RELCH: variants seen among roughly 807,000 people sequenced by gnomAD.
RELCH encodes RAB11-binding protein RELCH.
A neutral mutation model predicts 150.3 loss-of-function variants in RELCH; 41 were observed. The observed-to-expected ratio is 0.27, with a 90% CI of 0.21 to 0.35. The LOEUF (loss-of-function observed/expected upper bound fraction) is 0.35. Ranked by LOEUF, RELCH falls within the 10% of genes least tolerant of loss-of-function variation. The pLI is 1.00. For missense variants in RELCH, 1,092 were observed against 1,467.8 expected (o/e 0.74, Z 4.18); for synonymous variants, 478 against 531.8 (o/e 0.90, Z 1.39).
chr18:62,256,068 G>T (rs2042979199), intron 13 of RELCH, among the ~76,000 whole-genome samples: 1 of 151,954 alleles, frequency 6.6e-6, no homozygotes, highest in Non-Finnish European at 1.5e-5. Context: ...AAAATAGAAA[G>T]TACTCATATA....
chr18:62,237,572 C>T (rs2041939754), intron 10 of RELCH, among the ~76,000 whole-genome samples: 1 of 151,802 alleles, frequency 6.6e-6, no homozygotes, highest in Admixed American at 6.6e-5. Flanking sequence ...ATATAAAGAA[C>T]TTTCTATTAG....
At chr18:62,294,752 A>G (rs2045322358) in intron 27 of RELCH, among the ~76,000 whole-genome samples, 2 of 152,250 alleles carry the variant, frequency 1.3e-5, no homozygotes, top group African/African-American at 4.8e-5. Flanking sequence ...AATTGACTTT[A>G]TACAATAAAA....
At chr18:62,269,492 C>T (rs1267773252) in intron 20 of RELCH, 1 of 343,978 alleles carries the variant, frequency 2.9e-6, no homozygotes, top group Non-Finnish European at 6.0e-6. Flanking sequence ...TTCATATACA[C>T]ATTATACACA....
chr18:62,227,195 TAAA>T (rs35190394), intron 5 of RELCH, 91 bp from the exon 6 acceptor site: 48 of 734,100 alleles, frequency 6.5e-5, no homozygotes, highest in Non-Finnish European at 9.7e-5. Context: ...AAACCGATCT[TAAA>T]AAAAAAAAAG....
At chr18:62,237,432 C>T (rs1229857485) in intron 10 of RELCH, among the ~76,000 whole-genome samples, 2 of 151,756 alleles carry the variant, frequency 1.3e-5, no homozygotes, top group South Asian at 2.1e-4. Flanking sequence ...TTCGGAGATA[C>T]TTTGTGCATG....
rs990773425 is a variant in RELCH at position 62,307,785 on chromosome 18, C to T, written c.*2251C>T. ...ATGAAAAGCTAATTTGAAATTATACCTGTGTTTCCAGAGTAATCCAGAGAT... is the reference window on the plus strand; with the variant it reads ...ATGAAAAGCTAATTTGAAATTATACTTGTGTTTCCAGAGTAATCCAGAGAT... On this transcript the variant is annotated 3_prime_UTR_variant, in exon 29 of 29. Transcript: ENST00000644646. 1 of 152,042 alleles carries T rather than the reference C, an allele frequency of 6.6e-6. No homozygotes were observed. The highest frequency in any genetic ancestry group is 1.5e-5 in the Non-Finnish European group (1 of 68,004). The allele number at this position is 152,042 out of a possible 1,614,324, so 9.4% of individuals were successfully genotyped here. A position where few individuals can be genotyped will look rare whatever the true frequency, so the allele number is the denominator to read the frequency against.
intron 19 of RELCH, among the ~76,000 whole-genome samples, chr18:62,267,503 TGTGTGTGTG>T (rs1269007661): frequency 7.1e-6 from 1 of 140,970 alleles, no homozygotes. Context: ...TGTGTGTGTG[TGTGTGTGTG>T]TGTGTGTATA....
At chr18:62,300,282 TCTC>T (rs931603732) in intron 28 of RELCH, 7 of 152,292 alleles carry the variant, frequency 4.6e-5, no homozygotes, top group African/African-American at 9.6e-5. Flanking sequence ...AAGCTTCTGT[TCTC>T]CTCAGGTTTT....
chr18:62,280,576 T>A, intron 23 of RELCH, 70 bp from the exon 24 acceptor site: 1 of 1,322,816 alleles, frequency 7.6e-7, no homozygotes, highest in Non-Finnish European at 1.1e-6. Context: ...GTACTTACTT[T>A]AATATACATT....
At position 62,258,157 on chromosome 18, in the gene RELCH, C is replaced by G. The variant is rs1448819652; in HGVS notation, c.2037+69C>G. 5 of 1,315,324 alleles carry G rather than the reference C, an allele frequency of 3.8e-6. No homozygotes were observed. The East Asian group carries it at 9.7e-5, about 26-fold the overall frequency. 81.5% of individuals were successfully genotyped at this position (1,315,324 alleles called of 1,614,324 possible). A position where few individuals can be genotyped will look rare whatever the true frequency, so the allele number is the denominator to read the frequency against. On this transcript the variant is annotated intron_variant, in intron 14 of 28. Coordinates refer to ENST00000644646, the MANE Select transcript of RELCH (RefSeq NM_001346231.2). ...CCAAGTATTATAATATTCCAAATCT[C>G]TGATTTAGATACTTTATAATGTATC...
intron 1 of RELCH, 97 bp downstream of exon 1, chr18:62,188,128 G>A: frequency 7.4e-7 from 1 of 1,354,956 alleles, no homozygotes; most frequent in Non-Finnish European, 9.7e-7. Context: ...GTCCCGATAG[G>A]GACATTTTAA....
intron 10 of RELCH, among the ~76,000 whole-genome samples, chr18:62,241,316 T>A (rs2042138600): frequency 6.6e-6 from 1 of 152,100 alleles, no homozygotes; most frequent in Non-Finnish European, 1.5e-5. Context: ...CCACAACAGA[T>A]CTCTTGAGCC....
chr18:62,297,838 A>G (rs1179953402), intron 27 of RELCH, among the ~76,000 whole-genome samples: 1 of 152,124 alleles, frequency 6.6e-6, no homozygotes, highest in Non-Finnish European at 1.5e-5. Flanking sequence ...CATCTGCAGC[A>G]TTTATTCCTC....
At chr18:62,262,685 A>T in intron 16 of RELCH, among the ~76,000 whole-genome samples, 1 of 151,904 alleles carries the variant, frequency 6.6e-6, no homozygotes, top group Non-Finnish European at 1.5e-5. Flanking sequence ...TTCAGGTTCT[A>T]CCCCTTTACT....
intron 28 of RELCH, among the ~76,000 whole-genome samples, chr18:62,304,086 G>T (rs903554320): frequency 6.6e-6 from 1 of 152,180 alleles, no homozygotes; most frequent in Admixed American, 6.5e-5. Context: ...GCAAAAAGAG[G>T]GGGGAGTTAA....
At chr18:62,192,913 A>G (rs1337142673) in intron 1 of RELCH, among the ~76,000 whole-genome samples, 2 of 152,186 alleles carry the variant, frequency 1.3e-5, no homozygotes, top group South Asian at 2.1e-4. Flanking sequence ...TTCTAATTCT[A>G]TGAAGAATGT....
chr18:62,211,755 C>T (rs2040184306), intron 2 of RELCH, among the ~76,000 whole-genome samples: 1 of 151,510 alleles, frequency 6.6e-6, no homozygotes, highest in Admixed American at 6.6e-5. Context: ...GACACTTAAT[C>T]TCTTAAATTA....
intron 22 of RELCH, among the ~76,000 whole-genome samples, chr18:62,276,862 C>G (rs1205954465): frequency 6.6e-6 from 1 of 151,996 alleles, no homozygotes; most frequent in Non-Finnish European, 1.5e-5. Context: ...GGTTTTATGT[C>G]TAGTACAAGT....
intron 13 of RELCH, among the ~76,000 whole-genome samples, chr18:62,257,163 A>G (rs892904393): frequency 3.0e-4 from 45 of 152,052 alleles, no homozygotes; most frequent in African/African-American, 1.1e-3. Flanking sequence ...TATAAATTGC[A>G]ATATTAGTAC....
Sources: gnomAD v4.1 joint callset for allele counts (sites outside exome capture counted in the v4.1 genomes callset) on GRCh38, gnomAD v4.1.1 for gene constraint, MANE v1.5 for transcripts, NCBI Gene and HGNC (gene_info 2026-07-23, HGNC 2026-07-21) for gene names.